The following CACNB2 variants were observed in gnomAD, a reference collection of about 807,000 sequenced individuals.
CACNB2 encodes the protein calcium voltage-gated channel auxiliary subunit beta 2.
A neutral mutation model predicts 73.3 loss-of-function variants in CACNB2; 42 were observed. The ratio of observed to expected loss-of-function variants is 0.57; its 90% CI spans 0.45 to 0.74. CACNB2 has a LOEUF of 0.74. Ranked by LOEUF, CACNB2 falls within the 30% of genes least tolerant of loss-of-function variation. The pLI, the probability that CACNB2 is intolerant of heterozygous loss-of-function variation, is 0.00. For missense variants in CACNB2, 940 were observed against 853.0 expected, an observed-to-expected ratio of 1.10 and a Z score of -1.27; for synonymous variants, 348 against 310.3, an observed-to-expected ratio of 1.12 and a Z score of -1.28.
chr10:18,542,610 A>G lies in CACNB2; in HGVS notation c.*2886A>G, dbSNP rs924631151. On this transcript the variant is annotated 3_prime_UTR_variant, in exon 14 of 14. Transcript: ENST00000324631. ...TAGCTTGCACTTTACTGTAGAACAT[A>G]TTAGTGCAAATCAGAATATTCCTCA... The G allele has an allele frequency of 4.6e-5, 7 of 152,200 alleles. No homozygotes were observed. The highest frequency in any genetic ancestry group is 2.0e-4 in the Admixed American group (3 of 15,276). 9.4% of individuals were successfully genotyped at this position (152,200 alleles called of 1,614,324 possible).
chr10:18,498,329 T>C, intron 3 of CACNB2, 26 bp from the exon 4 acceptor site: 1 of 1,613,954 alleles, frequency 6.2e-7, no homozygotes, highest in Non-Finnish European at 8.5e-7. Flanking sequence ...CTCTTATTTT[T>C]TTCCCTCTTC....
chr10:18,521,921 C>T (rs1227103235), intron 9 of CACNB2, among the ~76,000 whole-genome samples: 3 of 152,202 alleles, frequency 2.0e-5, no homozygotes, highest in Non-Finnish European at 4.4e-5. Flanking sequence ...CAGATCAGTA[C>T]TGGTCCATGG....
intron 2 of CACNB2, among the ~76,000 whole-genome samples, chr10:18,318,238 C>G (rs775419340): frequency 2.0e-5 from 3 of 152,100 alleles, no homozygotes; most frequent in Non-Finnish European, 4.4e-5. Context: ...TACAAGGCTG[C>G]AGTAACCAAA....
intron 3 of CACNB2, among the ~76,000 whole-genome samples, chr10:18,434,333 G>A (rs2046031004): frequency 6.6e-6 from 1 of 152,124 alleles, no homozygotes; most frequent in Admixed American, 6.6e-5. Context: ...AATTAGGAAT[G>A]TACAAAATCT....
At chr10:18,371,964 C>A (rs2042603690) in intron 2 of CACNB2, among the ~76,000 whole-genome samples, 1 of 152,206 alleles carries the variant, frequency 6.6e-6, no homozygotes, top group Non-Finnish European at 1.5e-5. Context: ...TGATGATGAG[C>A]ATTTTTTCAT....
chr10:18,212,680 G>A (rs566513779), intron 2 of CACNB2, among the ~76,000 whole-genome samples: 52 of 152,138 alleles, frequency 3.4e-4, no homozygotes, highest in Middle Eastern at 6.8e-3. Context: ...TTATTCCAGG[G>A]TCGTTTATAA....
chr10:18,324,155 C>A (rs2040494262), intron 2 of CACNB2, among the ~76,000 whole-genome samples: 1 of 152,156 alleles, frequency 6.6e-6, no homozygotes, highest in African/African-American at 2.4e-5. Flanking sequence ...TAGGTACCAT[C>A]TATGTGTTTC....
At chr10:18,344,695 C>T (rs1373248941) in intron 2 of CACNB2, among the ~76,000 whole-genome samples, 1 of 152,086 alleles carries the variant, frequency 6.6e-6, no homozygotes, top group African/African-American at 2.4e-5. Context: ...GTTTTTACCA[C>T]TAAAAATAGA....
intron 2 of CACNB2, among the ~76,000 whole-genome samples, chr10:18,267,530 C>T (rs1362641343): frequency 3.9e-5 from 6 of 152,114 alleles, no homozygotes; most frequent in Non-Finnish European, 8.8e-5. Flanking sequence ...CACTTGAACC[C>T]AGGAGGTGGA....
At chr10:18,383,001 G>A (rs1323444474) in intron 2 of CACNB2, among the ~76,000 whole-genome samples, 2 of 152,140 alleles carry the variant, frequency 1.3e-5, no homozygotes, top group African/African-American at 4.8e-5. Context: ...CTAGCCCACA[G>A]GATGGCACGG....
At chr10:18,440,783 G>A (rs1008654963) in intron 3 of CACNB2, among the ~76,000 whole-genome samples, 1 of 152,182 alleles carries the variant, frequency 6.6e-6, no homozygotes, top group African/African-American at 2.4e-5. Context: ...GCACATTCTA[G>A]GAACAGCCCA....
intron 2 of CACNB2, chr10:18,261,117 A>G: frequency 6.8e-7 from 1 of 1,479,948 alleles, no homozygotes; most frequent in Non-Finnish European, 9.0e-7. Context: ...TGGCTTTTTT[A>G]GAAACTACCT....
chr10:18,261,968 C>A (rs748509270), intron 2 of CACNB2: 2 of 518,964 alleles, frequency 3.9e-6, no homozygotes, highest in South Asian at 1.4e-5. Context: ...TTGCAATATG[C>A]TGTGCCTTAC....
intron 3 of CACNB2, among the ~76,000 whole-genome samples, chr10:18,449,152 A>AG (rs2046888636): frequency 6.6e-6 from 1 of 152,200 alleles, no homozygotes; most frequent in South Asian, 2.1e-4. Context: ...TGGGGGGCTG[A>AG]GGCGGGTGGA....
rs2052605695 is a variant in CACNB2 at position 18,527,575 on chromosome 10, T to C, written c.945-13T>C. 4 of 1,594,590 alleles carry C rather than the reference T, an allele frequency of 2.5e-6. No individual in the cohort carries two copies. Among genetic ancestry groups the C allele is most frequent in the African/African-American group, 2.7e-5 (2 of 74,630 alleles). ...ATAACCTTAAGGTCTTCTGTGACTT[T>C]TTCCTCCAACAGGATATCCATCACA... On this transcript the variant is annotated splice_polypyrimidine_tract_variant and intron_variant, in intron 9 of 13. Coordinates refer to ENST00000324631, the MANE Select transcript of CACNB2 (RefSeq NM_201596.3).
intron 2 of CACNB2, among the ~76,000 whole-genome samples, chr10:18,177,790 A>G (rs1325572774): frequency 1.3e-5 from 2 of 152,340 alleles, no homozygotes; most frequent in East Asian, 1.9e-4. Flanking sequence ...ACATTTTAAC[A>G]TGTTACATAA....
At chr10:18,465,682 CTTTT>C (rs1264310420) in intron 3 of CACNB2, among the ~76,000 whole-genome samples, 1 of 138,388 alleles carries the variant, frequency 7.2e-6, no homozygotes. Context: ...CCAACTTCTT[CTTTT>C]TTTTTTTTTT....
chr10:18,187,018 C>T (rs1779237), intron 2 of CACNB2, among the ~76,000 whole-genome samples: 98,950 of 152,012 alleles, frequency 0.65, 32,200 homozygotes, highest in Admixed American at 0.69. Flanking sequence ...CCATGGGTGA[C>T]GAACCATGGA....
At chr10:18,168,830 CTT>C (rs2131137723) in intron 2 of CACNB2, among the ~76,000 whole-genome samples, 1 of 152,254 alleles carries the variant, frequency 6.6e-6, no homozygotes, top group African/African-American at 2.4e-5. Context: ...ATACAAGCTC[CTT>C]GTGAATGATT....
Sources: gnomAD v4.1 joint callset for allele counts (sites outside exome capture counted in the v4.1 genomes callset) on GRCh38, gnomAD v4.1.1 for gene constraint, MANE v1.5 for transcripts, NCBI Gene and HGNC (gene_info 2026-07-23, HGNC 2026-07-21) for gene names.